Variants in EHD1 observed in about 807,000 individuals in gnomAD.
EHD1 encodes the protein EH domain-containing protein 1.
In EHD1, 19 loss-of-function variants were observed where a neutral mutation model predicts 39.0. The ratio of observed to expected loss-of-function variants is 0.49; its 90% CI spans 0.34 to 0.72. The LOEUF (loss-of-function observed/expected upper bound fraction) is 0.72, where lower values mean the gene tolerates loss of function less well. EHD1 is among the 30% of genes least tolerant of loss of function. The probability of loss-of-function intolerance (pLI) is 0.01; values close to 1 mark genes in which losing one functional copy is unlikely to be tolerated. For synonymous variants in EHD1, 323 were observed against 331.2 expected, an observed-to-expected ratio of 0.98 and a Z score of 0.27; for missense variants, 542 against 751.5, an observed-to-expected ratio of 0.72 and a Z score of 3.26.
chr11:64,878,544 C>G lies in EHD1; in HGVS notation c.-80G>C. 1.4e-6 allele frequency: 2 copies of G among 1,479,138 alleles called. No individual in the cohort carries two copies. The highest frequency in any genetic ancestry group is 1.4e-5 in the African/African-American group (1 of 71,688). The allele number at this position is 1,479,138 out of a possible 1,614,324, so 91.6% of individuals were successfully genotyped here. On this transcript the variant is annotated 5_prime_UTR_variant, in exon 1 of 5. Coordinates refer to ENST00000320631, the MANE Select transcript of EHD1 (RefSeq NM_006795.4). ...CGAGGGTGCGGAGCCGAGGCGGGGC[C>G]GGCCGGGGCAGGGAATCGGGAGCGA...
intron 2 of EHD1, among the ~76,000 whole-genome samples, chr11:64,872,784 A>G (rs1943843834): frequency 6.6e-6 from 1 of 152,218 alleles, no homozygotes; most frequent in Admixed American, 6.5e-5. Context: ...AAAGAGAAGC[A>G]AGGTTTCTCA....
chr11:64,855,051 G>A, intron 4 of EHD1, 194 bp from the exon 5 acceptor site: 1 of 850,732 alleles, frequency 1.2e-6, no homozygotes, highest in Middle Eastern at 3.6e-4. Flanking sequence ...TTCCTTGCAG[G>A]GCTGCGGCAA....
intron 2 of EHD1, among the ~76,000 whole-genome samples, chr11:64,865,776 A>G (rs635722): frequency 0.78 from 119,089 of 152,186 alleles, 48,317 homozygotes; most frequent in Non-Finnish European, 0.89. Context: ...ATCACTAATC[A>G]TTAGAGAAAT....
intron 3 of EHD1, 137 bp from the exon 4 acceptor site, chr11:64,855,623 G>T: frequency 7.6e-7 from 1 of 1,310,034 alleles, no homozygotes; most frequent in Non-Finnish European, 1.1e-6. Context: ...TCAAGCTCAA[G>T]GCCGCTACCA....
intron 2 of EHD1, among the ~76,000 whole-genome samples, chr11:64,867,544 C>A (rs1265684406): frequency 6.6e-6 from 1 of 152,000 alleles, no homozygotes; most frequent in East Asian, 1.9e-4. Context: ...CATGGTGAAA[C>A]CCTGTCTCTA....
upstream of EHD1, chr11:64,878,757 A>G (rs545599313): frequency 9.8e-5 from 111 of 1,129,216 alleles, no homozygotes; most frequent in East Asian, 1.2e-3. Context: ...GACTGGTGCC[A>G]CGTCTTCCCC....
intron 1 of EHD1, among the ~76,000 whole-genome samples, chr11:64,877,551 C>T (rs1365572149): frequency 1.3e-5 from 2 of 152,216 alleles, no homozygotes; most frequent in Non-Finnish European, 2.9e-5. Flanking sequence ...AGCCGATCCT[C>T]CTCCTCCCTC....
intron 3 of EHD1, chr11:64,855,695 C>A (rs1238344526): frequency 1.2e-5 from 8 of 645,964 alleles, no homozygotes; most frequent in Non-Finnish European, 1.6e-5. Context: ...CTGTCCACTG[C>A]CACAGGACAG....
chr11:64,872,339 T>C (rs1943838924), intron 2 of EHD1, among the ~76,000 whole-genome samples: 1 of 152,152 alleles, frequency 6.6e-6, no homozygotes, highest in South Asian at 2.1e-4. Flanking sequence ...CATGCACCTG[T>C]AATCCCAGCT....
chr11:64,865,800 CAAT>C (rs1943761306), intron 2 of EHD1, among the ~76,000 whole-genome samples: 2 of 152,178 alleles, frequency 1.3e-5, no homozygotes, highest in Non-Finnish European at 2.9e-5. Flanking sequence ...AATCAAACCA[CAAT>C]GAGACAACAT....
rs762168746 is a variant in EHD1, at chr11:64,854,309, T to A, written c.*24A>T. On this transcript the variant is annotated 3_prime_UTR_variant, in exon 5 of 5. Coordinates refer to ENST00000320631, the MANE Select transcript of EHD1 (RefSeq NM_006795.4). ...TCTGCCTCCCGGCCGGGCGTGCAAA[T>A]GGCAGGTGCGGGGCCGGGCGCCATC... is the stretch of plus-strand genomic sequence containing the variant. 18 of 1,576,504 alleles carry A rather than the reference T, an allele frequency of 1.1e-5. 1 individual carries two copies. The Middle Eastern group carries it at 2.9e-3, about 250-fold the overall frequency.
intron 3 of EHD1, chr11:64,859,581 C>G: frequency 3.6e-6 from 1 of 277,362 alleles, no homozygotes; most frequent in East Asian, 7.4e-5. Flanking sequence ...AGCTCTATCC[C>G]CCAACACTCC....
chr11:64,870,358 G>A (rs1212799851), intron 2 of EHD1, among the ~76,000 whole-genome samples: 2 of 152,166 alleles, frequency 1.3e-5, no homozygotes, highest in Non-Finnish European at 2.9e-5. Context: ...AAATCCTAGC[G>A]CCGACACTTG....
At chr11:64,875,836 A>C (rs1274284846) in intron 1 of EHD1, among the ~76,000 whole-genome samples, 1 of 152,214 alleles carries the variant, frequency 6.6e-6, no homozygotes, top group Non-Finnish European at 1.5e-5. Flanking sequence ...GTAGCAATGC[A>C]TGAAGGCCAG....
At chr11:64,866,686 A>G (rs58621369) in intron 2 of EHD1, among the ~76,000 whole-genome samples, 2,212 of 152,110 alleles carry the variant, frequency 0.015, 48 homozygotes, top group African/African-American at 0.05. Flanking sequence ...TCTCCAAAAA[A>G]AAAAAAAGAA....
intron 2 of EHD1, 36 bp downstream of exon 2, chr11:64,874,385 A>C (rs1266216396): frequency 6.4e-7 from 1 of 1,557,954 alleles, no homozygotes; most frequent in Non-Finnish European, 8.7e-7. Context: ...ATGTGTGACA[A>C]CACCAGCAGC....
intron 2 of EHD1, among the ~76,000 whole-genome samples, chr11:64,867,596 G>A (rs1565721613): frequency 6.6e-6 from 1 of 152,124 alleles, no homozygotes; most frequent in African/African-American, 2.4e-5. Context: ...GCAGGCGCCT[G>A]TAATCCCAGC....
In EHD1 at chr11:64,854,067, A is replaced by G. The variant is rs542292623; in HGVS notation, c.*266T>C. The G allele has an allele frequency of 5.2e-6, 3 of 577,788 alleles. No homozygotes were observed. The highest frequency in any genetic ancestry group is 6.6e-5 in the East Asian group (2 of 30,306). The allele number at this position is 577,788 out of a possible 1,614,324, so 35.8% of individuals were successfully genotyped here. A position where few individuals can be genotyped will look rare whatever the true frequency, so the allele number is the denominator to read the frequency against. ...GGCCGTGCACACAGGGCTGGCACACAGGGGAGGCGGCGACAAAGAACGCAG... is the reference window on the plus strand; with the variant it reads ...GGCCGTGCACACAGGGCTGGCACACGGGGGAGGCGGCGACAAAGAACGCAG... On this transcript the variant is annotated 3_prime_UTR_variant, in exon 5 of 5. Transcript: ENST00000320631.
chr11:64,864,771 A>T (rs533394965), intron 2 of EHD1, among the ~76,000 whole-genome samples: 1 of 152,318 alleles, frequency 6.6e-6, no homozygotes, highest in South Asian at 2.1e-4. Flanking sequence ...GTTCTTGGGA[A>T]TGAGGGCGCC....
Sources: allele counts gnomAD v4.1 joint callset (sites outside exome capture counted in the v4.1 genomes callset), GRCh38; gene constraint gnomAD v4.1.1; transcripts MANE v1.5; gene names NCBI Gene and HGNC (gene_info 2026-07-23, HGNC 2026-07-21).